The following SAMMSON variants were observed in gnomAD, a reference collection of about 807,000 sequenced individuals.
SAMMSON encodes survival associated mitochondrial melanoma specific oncogenic non-coding RNA, also known as long intergenic non-protein coding RNA 1212.
At chr3:70,123,564 C>G (rs887231558) in intron 4 of SAMMSON, among the ~76,000 whole-genome samples, 1 of 152,172 alleles carries the variant, frequency 6.6e-6, no homozygotes, top group African/African-American at 2.4e-5. Context: ...GCCACCATGC[C>G]CAGCCGGGTA....
chr3:70,046,437 T>C (rs1413081977), intron 3 of SAMMSON, among the ~76,000 whole-genome samples: 2 of 152,148 alleles, frequency 1.3e-5, no homozygotes, highest in Non-Finnish European at 2.9e-5. Flanking sequence ...TGCAATGCGG[T>C]ACATGTAATG....
At chr3:70,388,845 C>G (rs1295484545) in intron 9 of SAMMSON, among the ~76,000 whole-genome samples, 1 of 151,920 alleles carries the variant, frequency 6.6e-6, no homozygotes, top group Non-Finnish European at 1.5e-5. Flanking sequence ...TGGTTTGTCC[C>G]CACCAAAACC....
At chr3:70,421,846 C>A (rs970081742) in intron 2 of SAMMSON, among the ~76,000 whole-genome samples, 1 of 151,952 alleles carries the variant, frequency 6.6e-6, no homozygotes, top group African/African-American at 2.4e-5. Flanking sequence ...TTTTCTTGTG[C>A]CCTAGAGATT....
At chr3:70,352,539 T>A (rs565250864) in intron 7 of SAMMSON, among the ~76,000 whole-genome samples, 1 of 152,110 alleles carries the variant, frequency 6.6e-6, no homozygotes, top group African/African-American at 2.4e-5. Context: ...AAGAAAACAA[T>A]GAAAATTCCA....
intron 4 of SAMMSON, among the ~76,000 whole-genome samples, chr3:70,199,819 C>T (rs983896526): frequency 2.0e-5 from 3 of 152,152 alleles, no homozygotes; most frequent in Non-Finnish European, 2.9e-5. Context: ...TCCCAGGATT[C>T]GCACCCCTTC....
intron 4 of SAMMSON, among the ~76,000 whole-genome samples, chr3:70,167,634 T>C (rs2106696805): frequency 1.3e-5 from 2 of 151,944 alleles, no homozygotes; most frequent in East Asian, 1.9e-4. Context: ...TACTGGGAGA[T>C]CTTTATCTCC....
chr3:70,215,417 C>T (rs1363676527), intron 4 of SAMMSON, among the ~76,000 whole-genome samples: 1 of 152,112 alleles, frequency 6.6e-6, no homozygotes, highest in Admixed American at 6.5e-5. Flanking sequence ...ACTTACCCCT[C>T]TCCAGGTTAA....
intron 2 of SAMMSON, among the ~76,000 whole-genome samples, chr3:70,407,916 T>G (rs549772391): frequency 1.1e-4 from 16 of 152,370 alleles, no homozygotes; most frequent in Admixed American, 8.5e-4. Context: ...AGCAAACTTC[T>G]GCCTGGGCAT....
rs570340367 is a variant in SAMMSON, at chr3:70,018,034, T to C, written n.417+4362T>C. On this transcript the variant is annotated intron_variant and non_coding_transcript_variant, in intron 3 of 9. Coordinates refer to ENST00000642114, the Ensembl canonical transcript of SAMMSON. Reference sequence around the variant, plus strand: ...CATCGATGTTCATCAGGGATATTGGTCTAAAATTCTCTTTTTTTGTTGTGT... The same window carrying C: ...CATCGATGTTCATCAGGGATATTGGCCTAAAATTCTCTTTTTTTGTTGTGT... 4.6e-5 allele frequency among the ~76,000 whole-genome samples: 7 copies of C among 152,230 alleles called. No homozygotes were observed. The East Asian group carries it at 1.2e-3, about 25-fold the overall frequency.
chr3:70,107,662 A>G (rs542522664), intron 4 of SAMMSON, among the ~76,000 whole-genome samples: 1 of 151,760 alleles, frequency 6.6e-6, no homozygotes, highest in South Asian at 2.1e-4. Context: ...ATCCTTCTCA[A>G]ATTTCTTTTG....
chr3:70,221,892 T>C (rs1240459214), intron 4 of SAMMSON, among the ~76,000 whole-genome samples: 1 of 152,190 alleles, frequency 6.6e-6, no homozygotes. Flanking sequence ...CCGCAATTTG[T>C]GCCAACCCAA....
chr3:70,027,702 A>T (rs555488724), intron 3 of SAMMSON, among the ~76,000 whole-genome samples: 1 of 152,302 alleles, frequency 6.6e-6, no homozygotes, highest in Non-Finnish European at 1.5e-5. Context: ...AGACCCATTC[A>T]TCCCCAGATG....
intron 3 of SAMMSON, among the ~76,000 whole-genome samples, chr3:70,039,808 C>A (rs2067099890): frequency 1.3e-5 from 2 of 152,020 alleles, no homozygotes; most frequent in Admixed American, 1.3e-4. Flanking sequence ...CAGCAAGGAA[C>A]AGGAATCTTG....
At chr3:70,433,080 A>T (rs1186897255) in intron 2 of SAMMSON, among the ~76,000 whole-genome samples, 2 of 152,104 alleles carry the variant, frequency 1.3e-5, no homozygotes, top group African/African-American at 4.8e-5. Flanking sequence ...ATTGAAGGAT[A>T]TCTTAGCTAC....
intron 2 of SAMMSON, among the ~76,000 whole-genome samples, chr3:70,412,232 T>G (rs1575644113): frequency 6.6e-6 from 1 of 152,204 alleles, no homozygotes; most frequent in East Asian, 1.9e-4. Context: ...TTAAATGTGA[T>G]GTAGTGTAGG....
At chr3:70,299,625 A>C (rs7634433) in intron 7 of SAMMSON, among the ~76,000 whole-genome samples, 5 of 151,904 alleles carry the variant, frequency 3.3e-5, no homozygotes, top group Admixed American at 3.3e-4. Context: ...CATTGCCCTG[A>C]AAACCAATAT....
At chr3:70,346,153 A>AT (rs1702748920) in intron 7 of SAMMSON, among the ~76,000 whole-genome samples, 1 of 152,002 alleles carries the variant, frequency 6.6e-6, no homozygotes, top group South Asian at 2.1e-4. Flanking sequence ...GATATCATTA[A>AT]TTTTTTTGGA....
intron 4 of SAMMSON, chr3:70,205,758 T>C (rs1312564189): frequency 6.6e-6 from 1 of 152,106 alleles, no homozygotes; most frequent in Non-Finnish European, 1.5e-5. Flanking sequence ...AAAAAGTAAA[T>C]ATGTATTTAA....
chr3:70,103,587 A>T (rs1412722492), intron 4 of SAMMSON, among the ~76,000 whole-genome samples: 1 of 152,180 alleles, frequency 6.6e-6, no homozygotes, highest in Non-Finnish European at 1.5e-5. Flanking sequence ...ATCCTTGACA[A>T]GTTGTCATCT....
Sources: allele counts gnomAD v4.1 joint callset (sites outside exome capture counted in the v4.1 genomes callset), GRCh38; gene constraint gnomAD v4.1.1; transcripts MANE v1.5; gene names NCBI Gene and HGNC (gene_info 2026-07-23, HGNC 2026-07-21).